PRKCQ: variants seen among roughly 807,000 people sequenced by gnomAD.
PRKCQ encodes protein kinase C theta type.
PRKCQ carries 41 observed loss-of-function variants against 91.2 expected under a neutral mutation model. That is an observed-to-expected ratio of 0.45 (90% CI 0.35 to 0.58). The LOEUF (loss-of-function observed/expected upper bound fraction) is 0.58, where lower values mean the gene tolerates loss of function less well. PRKCQ is among the 20% of genes least tolerant of loss of function. The pLI is 0.00. For synonymous variants in PRKCQ, 307 were observed against 316.9 expected (o/e 0.97, Z 0.33); for missense variants, 673 against 896.5 (o/e 0.75, Z 3.18).
chr10:6,395,221 G>C, the PRKCQ span, among the ~76,000 whole-genome samples: 2 of 152,008 alleles, frequency 1.3e-5, no homozygotes, highest in East Asian at 3.9e-4. Context: ...CTGCCACCGT[G>C]CCCGGCTAAT....
Position 6,557,156 on chromosome 10 carries a change from C to T in PRKCQ, c.-10+23055G>A, listed in dbSNP as rs918947942. ...TGCTATGGCCTTACCTCCCTTCCTT[C>T]ACCAACCAGCTTCCTGAACCATCTT... On this transcript the variant is annotated intron_variant, in intron 1 of 17. Transcript: ENST00000263125. 2.0e-5 allele frequency among the ~76,000 whole-genome samples: 3 copies of T among 152,184 alleles called. No homozygotes were observed. The East Asian group carries it at 5.8e-4, about 29-fold the overall frequency.
intron 14 of PRKCQ, among the ~76,000 whole-genome samples, chr10:6,459,966 C>T (rs1835233927): frequency 1.3e-5 from 2 of 152,268 alleles, no homozygotes; most frequent in Admixed American, 1.3e-4. Context: ...ATTCAGTTGC[C>T]AAATTAAAAG....
In PRKCQ at chr10:6,511,941, C is replaced by T. The variant is rs143035858; in HGVS notation, c.119-747G>A. Among the ~76,000 whole-genome samples the T allele has an allele frequency of 4.6e-5, 7 of 151,686 alleles. No homozygotes were observed. In the East Asian group the frequency reaches 1.3e-3, roughly 29 times the overall value. On this transcript the variant is annotated intron_variant, in intron 2 of 17. Coordinates refer to ENST00000263125, the MANE Select transcript of PRKCQ (RefSeq NM_006257.5). ...TCCTATTCAACAGTTAGTTGCTTCA[C>T]TCTGGGTTTAAACACCTGAGCAACA...
At chr10:6,408,635 G>A in the PRKCQ span, among the ~76,000 whole-genome samples, 8 of 152,214 alleles carry the variant, frequency 5.3e-5, no homozygotes, top group South Asian at 2.1e-4. Flanking sequence ...GATTACAGGC[G>A]TGAGCCACTG....
At chr10:6,492,327 C>T (rs1050979750) in intron 7 of PRKCQ, among the ~76,000 whole-genome samples, 1 of 151,988 alleles carries the variant, frequency 6.6e-6, no homozygotes, top group Non-Finnish European at 1.5e-5. Context: ...CATTTTCACA[C>T]CTATTATTCA....
Position 6,513,099 on chromosome 10 carries a change from A to G in PRKCQ, c.119-1905T>C, listed in dbSNP as rs182988457. Reference sequence around the variant, plus strand: ...TACATTTTCATTCGCCACGTTTGTAATCACCTAAACAGAGGGCCCTATCTA... The same window carrying G: ...TACATTTTCATTCGCCACGTTTGTAGTCACCTAAACAGAGGGCCCTATCTA... On this transcript the variant is annotated intron_variant, in intron 2 of 17. Coordinates refer to ENST00000263125, the MANE Select transcript of PRKCQ (RefSeq NM_006257.5). Among the ~76,000 whole-genome samples the G allele has an allele frequency of 2.0e-5, 3 of 152,268 alleles. No individual in the cohort carries two copies. In the East Asian group the frequency reaches 5.8e-4, roughly 29 times the overall value.
At chr10:6,515,268 A>G in intron 1 of PRKCQ, 124 bp from the exon 2 acceptor site, 1 of 1,543,074 alleles carries the variant, frequency 6.5e-7, no homozygotes, top group Non-Finnish European at 8.7e-7. Context: ...TCCACTATCC[A>G]TGTGAACAAA....
intron 1 of PRKCQ, among the ~76,000 whole-genome samples, chr10:6,524,122 C>G (rs188969810): frequency 4.6e-5 from 7 of 152,174 alleles, no homozygotes; most frequent in African/African-American, 1.7e-4. Context: ...TACCATCTTT[C>G]AAAATCTTTC....
chr10:6,394,552 C>T, the PRKCQ span, among the ~76,000 whole-genome samples: 3 of 152,230 alleles, frequency 2.0e-5, no homozygotes, highest in Non-Finnish European at 4.4e-5. Context: ...TGACCTTCAG[C>T]GGCATTTCGG....
intron 1 of PRKCQ, among the ~76,000 whole-genome samples, chr10:6,565,610 T>A (rs984341056): frequency 6.6e-6 from 1 of 152,224 alleles, no homozygotes; most frequent in African/African-American, 2.4e-5. Context: ...CCCTTTCTTC[T>A]TGTGATGCTT....
chr10:6,539,772 G>A (rs1273405948), intron 1 of PRKCQ, among the ~76,000 whole-genome samples: 1 of 152,114 alleles, frequency 6.6e-6, no homozygotes, highest in South Asian at 2.1e-4. Context: ...ACTCATCAGC[G>A]CAGCACTCTG....
At chr10:6,572,894 C>A (rs1316492074) in intron 1 of PRKCQ, among the ~76,000 whole-genome samples, 2 of 151,922 alleles carry the variant, frequency 1.3e-5, no homozygotes, top group Non-Finnish European at 2.9e-5. Context: ...TTTGCCAGCA[C>A]CTGTTGTTTC....
chr10:6,491,555 G>A, intron 8 of PRKCQ, 128 bp downstream of exon 8: 1 of 1,292,548 alleles, frequency 7.7e-7, no homozygotes, highest in Middle Eastern at 2.8e-4. Flanking sequence ...CCATACTTAT[G>A]ATCATGACTT....
At chr10:6,498,324 A>G (rs1837727369) in intron 5 of PRKCQ, 72 bp downstream of exon 5, 2 of 1,545,914 alleles carry the variant, frequency 1.3e-6, no homozygotes, top group Non-Finnish European at 1.8e-6. Context: ...GGAGCATGCC[A>G]GCGTAGAGGA....
chr10:6,450,039 A>C (rs1267047492), intron 15 of PRKCQ, among the ~76,000 whole-genome samples: 110 of 150,794 alleles, frequency 7.3e-4, no homozygotes, highest in African/African-American at 2.3e-3. Flanking sequence ...CGAGCAAAAT[A>C]ACCAGCTAAC....
At chr10:6,489,474 A>T (rs779047895) in intron 8 of PRKCQ, 1 of 530,468 alleles carries the variant, frequency 1.9e-6, no homozygotes, top group Non-Finnish European at 3.9e-6. Context: ...TATTGTGGGG[A>T]GAAAGAGAAG....
intron 16 of PRKCQ, among the ~76,000 whole-genome samples, chr10:6,439,300 G>C (rs190860938): frequency 1.2e-4 from 19 of 152,290 alleles, no homozygotes; most frequent in African/African-American, 4.6e-4. Context: ...TCTGGAGATT[G>C]CTGCTAAGAT....
chr10:6,478,568 C>T (rs1836398403), intron 12 of PRKCQ, among the ~76,000 whole-genome samples: 1 of 152,152 alleles, frequency 6.6e-6, no homozygotes, highest in African/African-American at 2.4e-5. Flanking sequence ...GAGCCCACTC[C>T]AAGGCTGCTT....
Position 6,483,520 on chromosome 10 carries a change from C to G in PRKCQ, c.1099G>C (p.Glu367Gln). 6.2e-7 allele frequency: 1 copy of G among 1,614,192 alleles called. No individual in the cohort carries two copies. Among genetic ancestry groups the G allele is most frequent in the Non-Finnish European group, 8.5e-7 (1 of 1,180,032 alleles). Reference protein sequence around the residue: ...CHLPEPELNKERPSLQIKLKI... With the variant: ...CHLPEPELNKQRPSLQIKLKI... The stretch of plus-strand genomic sequence containing the variant: ...AGTTTAATCTGCAGAGATGGTCTTT[C>G]TTTGTTCAGTTCAGGTTCTGGAAGA... The change falls in exon 11 of 18, where the codon GAA becomes CAA. Residue 367 changes from glutamate to glutamine, a missense_variant. Coordinates refer to ENST00000263125, the MANE Select transcript of PRKCQ (RefSeq NM_006257.5).
Sources: gnomAD v4.1 joint callset for allele counts (sites outside exome capture counted in the v4.1 genomes callset) on GRCh38, gnomAD v4.1.1 for gene constraint, MANE v1.5 for transcripts, NCBI Gene and HGNC (gene_info 2026-07-23, HGNC 2026-07-21) for gene names.